LRRC37B: variants seen among roughly 807,000 people sequenced by gnomAD.
LRRC37B encodes leucine rich repeat containing 37B.
A neutral mutation model predicts 98.3 loss-of-function variants in LRRC37B; 28 were observed. The ratio of observed to expected loss-of-function variants is 0.28; its 90% CI spans 0.21 to 0.39. The LOEUF is 0.39. LRRC37B is among the 10% of genes least tolerant of loss of function. The pLI is 1.00. For missense variants in LRRC37B, 938 were observed against 1,182.7 expected (o/e 0.79, Z 3.03); for synonymous variants, 364 against 442.7 (o/e 0.82, Z 2.23).
chr17:32,034,148 TC>T (rs1185403221), intron 5 of LRRC37B: 1 of 152,126 alleles, frequency 6.6e-6, no homozygotes, highest in Non-Finnish European at 1.5e-5. Flanking sequence ...AAAGAATTGG[TC>T]CTATTTTTTT....
intron 2 of LRRC37B, among the ~76,000 whole-genome samples, chr17:32,026,519 C>G (rs1437819316): frequency 1.3e-5 from 2 of 152,184 alleles, no homozygotes; most frequent in African/African-American, 4.8e-5. Context: ...AGTTCCACCT[C>G]CCGGGTTCAA....
chr17:32,039,565 A>T (rs540199054), intron 7 of LRRC37B, among the ~76,000 whole-genome samples: 2 of 127,034 alleles, frequency 1.6e-5, no homozygotes, highest in Non-Finnish European at 3.2e-5. Context: ...TATTCTATAT[A>T]TATATTTCTA....
chr17:32,050,319 A>G, intron 11 of LRRC37B: 1 of 449,852 alleles, frequency 2.2e-6, no homozygotes, highest in South Asian at 2.6e-5. Flanking sequence ...AATAAAACCA[A>G]GTTAATCCCA....
chr17:32,027,631 G>T lies in LRRC37B; in HGVS notation c.1833-138G>T, dbSNP rs1190380796. 5 of 1,078,934 alleles carry T rather than the reference G, an allele frequency of 4.6e-6. No individual in the cohort carries two copies. In the Admixed American group the frequency reaches 1.3e-4, roughly 28 times the overall value. The allele number at this position is 1,078,934 out of a possible 1,614,324, so 66.8% of individuals were successfully genotyped here. A position where few individuals can be genotyped will look rare whatever the true frequency, so the allele number is the denominator to read the frequency against. The stretch of plus-strand genomic sequence containing the variant: ...CACAAAAAGGAAAATGGAAGAAAAG[G>T]TTTGAACGAAAGCAGAGCAGATCCC... On this transcript the variant is annotated intron_variant, in intron 2 of 11. Transcript: ENST00000327564.
intron 4 of LRRC37B, among the ~76,000 whole-genome samples, 153 bp from the exon 8 acceptor site, chr17:32,031,225 A>G (rs1911098204): frequency 6.6e-6 from 1 of 152,258 alleles, no homozygotes; most frequent in African/African-American, 2.4e-5. Flanking sequence ...GTTAAAGTAT[A>G]AACCATAAGC....
Position 32,034,938 on chromosome 17 carries a change from G to A in LRRC37B, c.2086G>A (p.Val696Ile), listed in dbSNP as rs137899779. The A allele has an allele frequency of 3.1e-4, 500 of 1,611,994 alleles. No homozygotes were observed. The highest frequency in any genetic ancestry group is 3.0e-4 in the Non-Finnish European group (351 of 1,178,934). ...TCTCAATCGCAATCCTCTGACTACTGTCGAAGATCCATATCTCTTTGAACT... is the reference window on the plus strand; with the variant it reads ...TCTCAATCGCAATCCTCTGACTACTATCGAAGATCCATATCTCTTTGAACT... The change falls in exon 6 of 12, where the codon GTC (valine) becomes ATC (isoleucine). Residue 696 changes from valine (V) to isoleucine (I), a missense_variant. Physicochemically the swap from Val to Ile is conservative, Grantham distance 29. Around this residue, in one of 2 missense-constraint regions of LRRC37B, gnomAD observed 328 missense variants for 557.0 expected, o/e 0.59. Transcript: ENST00000327564.
chr17:32,046,089 A>G (rs1360483262), intron 8 of LRRC37B, among the ~76,000 whole-genome samples: 4 of 152,176 alleles, frequency 2.6e-5, no homozygotes, highest in African/African-American at 9.6e-5. Flanking sequence ...ACATCCACAC[A>G]CTGTGTACTG....
intron 1 of LRRC37B, among the ~76,000 whole-genome samples, chr17:32,008,429 C>T (rs574939054): frequency 6.6e-6 from 1 of 151,812 alleles, no homozygotes; most frequent in African/African-American, 2.4e-5. Context: ...CTCCACCGGG[C>T]AGGATTGAAA....
chr17:32,035,455 GT>G, intron 6 of LRRC37B, 109 bp from the exon 10 acceptor site: 1 of 1,220,430 alleles, frequency 8.2e-7, no homozygotes, highest in Non-Finnish European at 1.2e-6. Context: ...GAAGTGGCTT[GT>G]TTTATAGAGA....
chr17:32,045,508 C>T (rs1911546608), intron 7 of LRRC37B, 192 bp from the exon 11 acceptor site: 10 of 596,478 alleles, frequency 1.7e-5, no homozygotes, highest in South Asian at 1.2e-4. Flanking sequence ...ACCATACTCA[C>T]TGCCATGCTT....
chr17:32,020,987 G>T, upstream of LRRC37B: 1 of 1,506,770 alleles, frequency 6.6e-7, no homozygotes, highest in Non-Finnish European at 8.9e-7. Flanking sequence ...GTGACATAAG[G>T]TTGCCCTGGT....
intron 7 of LRRC37B, chr17:32,042,151 C>G: frequency 6.7e-6 from 2 of 296,606 alleles, no homozygotes; most frequent in South Asian, 5.8e-5. Flanking sequence ...GAGACAGAGG[C>G]CAGCTGGGAT....
upstream of LRRC37B, among the ~76,000 whole-genome samples, chr17:32,018,223 A>T (rs1207472352): frequency 1.3e-5 from 2 of 152,088 alleles, no homozygotes; most frequent in South Asian, 4.1e-4. Flanking sequence ...GCTACTCTGG[A>T]GGCTGAGGCA....
In LRRC37B at chr17:32,021,646, A is replaced by G. The variant is rs762990042; in HGVS notation, c.581A>G (p.Gln194Arg). 1.4e-5 allele frequency: 22 copies of G among 1,614,126 alleles called. No homozygotes were observed. The Admixed American group carries it at 2.8e-4, about 21-fold the overall frequency. ...GATCTAGATCGGGCTGCAGGTCATC[A>G]GGCAGATGAAATACTTGTTCCACTA... Residue 194 changes from glutamine to arginine, a missense_variant, in exon 1 of 12, where the codon CAG becomes CGG. Physicochemically the swap from Gln to Arg is conservative, Grantham distance 43. Transcript: ENST00000327564.
At chr17:32,024,529 C>A in intron 1 of LRRC37B, 182 bp from the exon 5 acceptor site, 6 of 1,100,010 alleles carry the variant, frequency 5.5e-6, no homozygotes, top group Non-Finnish European at 8.3e-6. Context: ...TCATTTGTGC[C>A]AGTGGCCCCG....
At chr17:32,011,533 C>T (rs1287775469) in intron 1 of LRRC37B, among the ~76,000 whole-genome samples, 3 of 150,294 alleles carry the variant, frequency 2.0e-5, no homozygotes, top group Non-Finnish European at 3.0e-5. Flanking sequence ...AATCTAGCTC[C>T]GTTGCCCAGA....
At chr17:32,035,532 TC>T in intron 6 of LRRC37B, 32 bp from the exon 10 acceptor site, 1 of 1,588,510 alleles carries the variant, frequency 6.3e-7, no homozygotes. Context: ...TGTAATGGGT[TC>T]ATATCATGAA....
At chr17:32,018,827 C>T (rs762981802), upstream of LRRC37B, among the ~76,000 whole-genome samples, 3 of 152,168 alleles carry the variant, frequency 2.0e-5, no homozygotes, top group Non-Finnish European at 2.9e-5. Flanking sequence ...TTTACAATCA[C>T]GTGCTGCAAA....
intron 1 of LRRC37B, among the ~76,000 whole-genome samples, chr17:32,014,122 C>T (rs1325036776): frequency 1.3e-5 from 2 of 152,152 alleles, no homozygotes; most frequent in Non-Finnish European, 1.5e-5. Context: ...TTTCAACTGC[C>T]TATGTTGTCC....
Sources: allele counts gnomAD v4.1 joint callset (sites outside exome capture counted in the v4.1 genomes callset), GRCh38; gene constraint gnomAD v4.1.1; regional missense constraint gnomAD v4.1.1; transcripts MANE v1.5; gene names NCBI Gene and HGNC (gene_info 2026-07-23, HGNC 2026-07-21).